ELP1: variants seen among roughly 807,000 people sequenced by gnomAD.
ELP1 encodes elongator acetyltransferase complex subunit 1, also known as elongator complex protein 1.
ELP1 carries 131 observed loss-of-function variants against 183.2 expected under a neutral mutation model. The ratio of observed to expected loss-of-function variants is 0.72; its 90% CI spans 0.62 to 0.83. ELP1 has a LOEUF of 0.83. Among genes scored for constraint, ELP1 ranks in the 40% least tolerant of loss-of-function variants. The pLI is 0.00. For missense variants in ELP1, 1,550 were observed against 1,594.9 expected (o/e 0.97, Z 0.48); for synonymous variants, 555 against 569.0 (o/e 0.98, Z 0.35).
chr9:108,920,239 C>T (rs994793205), intron 6 of ELP1, among the ~76,000 whole-genome samples: 2 of 151,906 alleles, frequency 1.3e-5, no homozygotes, highest in Non-Finnish European at 2.9e-5. Flanking sequence ...TTTGTTCAGG[C>T]CCAACCCTTG....
chr9:108,881,265 C>T (rs952470683), intron 31 of ELP1, among the ~76,000 whole-genome samples: 1 of 152,178 alleles, frequency 6.6e-6, no homozygotes, highest in African/African-American at 2.4e-5. Flanking sequence ...TGCATACACA[C>T]ATTCATTAAT....
intron 3 of ELP1, among the ~76,000 whole-genome samples, chr9:108,929,366 T>G (rs921613912): frequency 6.6e-6 from 1 of 152,182 alleles, no homozygotes; most frequent in African/African-American, 2.4e-5. Flanking sequence ...CTTCAGGGAC[T>G]CTAAATTTAG....
At chr9:108,893,899 A>C (rs1828438177) in intron 26 of ELP1, 44 bp downstream of exon 26, 1 of 1,609,750 alleles carries the variant, frequency 6.2e-7, no homozygotes, top group African/African-American at 1.3e-5. Flanking sequence ...CTAGTTCCAA[A>C]GAAGATCTGA....
At chr9:108,908,485 T>C (rs971080090) in intron 12 of ELP1, 81 bp from the exon 13 acceptor site, 24 of 1,050,258 alleles carry the variant, frequency 2.3e-5, no homozygotes, top group Admixed American at 1.5e-4. Context: ...CTGCAATTAA[T>C]GAGTTCTAGA....
intron 29 of ELP1, among the ~76,000 whole-genome samples, 199 bp downstream of exon 29, chr9:108,889,133 A>G (rs928335032): frequency 3.9e-5 from 6 of 152,224 alleles, no homozygotes; most frequent in African/African-American, 1.4e-4. Context: ...GAGCACCTTC[A>G]TATTCTACCT....
chr9:108,929,096 T>C (rs1038650638), intron 3 of ELP1, among the ~76,000 whole-genome samples: 5 of 152,254 alleles, frequency 3.3e-5, no homozygotes, highest in Admixed American at 3.3e-4. Flanking sequence ...TAAGCTGCTA[T>C]CATTATCCTA....
At chr9:108,874,774 T>G in intron 36 of ELP1, 121 bp downstream of exon 36, 1 of 746,552 alleles carries the variant, frequency 1.3e-6, no homozygotes, top group South Asian at 1.5e-5. Flanking sequence ...AGAATTGTAG[T>G]CAATTTTTTG....
rs755903772 is a variant in ELP1, at chr9:108,878,765, A to G, written c.3573-15T>C. 3 of 1,613,430 alleles carry G rather than the reference A, an allele frequency of 1.9e-6. No individual in the cohort carries two copies. The highest frequency in any genetic ancestry group is 1.7e-5 in the Admixed American group (1 of 60,026). On this transcript the variant is annotated splice_polypyrimidine_tract_variant and intron_variant, in intron 33 of 36. Coordinates refer to ENST00000374647, the MANE Select transcript of ELP1 (RefSeq NM_003640.5). ...TGGATGATCTCCTGTTAGAAATTACACAGATATTTTTAAGCCTCCTGAGTA... is the reference window on the plus strand; with the variant it reads ...TGGATGATCTCCTGTTAGAAATTACGCAGATATTTTTAAGCCTCCTGAGTA...
intron 16 of ELP1, 58 bp downstream of exon 16, chr9:108,902,781 A>C: frequency 7.8e-7 from 1 of 1,287,592 alleles, no homozygotes; most frequent in South Asian, 1.2e-5. Context: ...TTTCTACTTA[A>C]TGCCATCAGT....
At chr9:108,919,434 G>A in intron 6 of ELP1, 85 bp from the exon 7 acceptor site, 1 of 897,972 alleles carries the variant, frequency 1.1e-6, no homozygotes, top group Non-Finnish European at 1.8e-6. Context: ...AGATACAGAT[G>A]TTTTTTAAGA....
chr9:108,911,661 T>A (rs558862444), intron 11 of ELP1, among the ~76,000 whole-genome samples: 1 of 152,192 alleles, frequency 6.6e-6, no homozygotes, highest in African/African-American at 2.4e-5. Flanking sequence ...CACCTCACAT[T>A]ACAATCTTAG....
intron 14 of ELP1, 25 bp from the exon 15 acceptor site, chr9:108,903,694 T>A (rs762586749): frequency 6.6e-7 from 1 of 1,526,330 alleles, no homozygotes; most frequent in Non-Finnish European, 9.1e-7. Flanking sequence ...GAGAAGGGAG[T>A]GTAAACAGAC....
chr9:108,895,591 G>C (rs868290714), intron 25 of ELP1, among the ~76,000 whole-genome samples: 1 of 152,138 alleles, frequency 6.6e-6, no homozygotes, highest in Non-Finnish European at 1.5e-5. Context: ...CAGAGGCCAG[G>C]TCAAGGAAGG....
chr9:108,915,917 A>T (rs893775325), intron 10 of ELP1, among the ~76,000 whole-genome samples: 1 of 152,062 alleles, frequency 6.6e-6, no homozygotes, highest in African/African-American at 2.4e-5. Flanking sequence ...GCAGGACTTG[A>T]CCATGTGTGG....
intron 10 of ELP1, among the ~76,000 whole-genome samples, chr9:108,914,393 G>A (rs1387741702): frequency 3.3e-4 from 24 of 73,078 alleles, no homozygotes; most frequent in African/African-American, 1.4e-3. Context: ...GAGAGACTCC[G>A]TCTCCAAAAA....
chr9:108,874,990 T>G lies in ELP1; in HGVS notation c.3856-20A>C. On this transcript the variant is annotated intron_variant, in intron 35 of 36. Coordinates refer to ENST00000374647, the MANE Select transcript of ELP1 (RefSeq NM_003640.5). ...TAGAACCTGAGGAGAAAATAGACTGTATCAGCAAAGATTATCTAATACTTC... is the reference window on the plus strand; with the variant it reads ...TAGAACCTGAGGAGAAAATAGACTGGATCAGCAAAGATTATCTAATACTTC... 6.5e-7 allele frequency: 1 copy of G among 1,538,224 alleles called. No homozygotes were observed.
intron 16 of ELP1, 81 bp from the exon 17 acceptor site, chr9:108,901,762 C>T (rs1286333656): frequency 3.0e-6 from 4 of 1,324,454 alleles, no homozygotes; most frequent in African/African-American, 2.9e-5. Flanking sequence ...ATAGTTCTAC[C>T]ACCCTATGAT....
chr9:108,886,403 C>T (rs558888521), intron 29 of ELP1, among the ~76,000 whole-genome samples: 16 of 152,104 alleles, frequency 1.1e-4, no homozygotes, highest in Non-Finnish European at 2.1e-4. Flanking sequence ...CCCTCATGAA[C>T]ACAAACACAA....
At chr9:108,919,491 A>G in intron 6 of ELP1, 142 bp from the exon 7 acceptor site, 1 of 590,384 alleles carries the variant, frequency 1.7e-6, no homozygotes, top group Non-Finnish European at 3.1e-6. Flanking sequence ...GAAACCATCC[A>G]AGGGTTGGTT....
Sources: allele counts gnomAD v4.1 joint callset (sites outside exome capture counted in the v4.1 genomes callset), GRCh38; gene constraint gnomAD v4.1.1; transcripts MANE v1.5; gene names NCBI Gene and HGNC (gene_info 2026-07-23, HGNC 2026-07-21).